The following VWDE variants were observed in gnomAD, a reference collection of about 807,000 sequenced individuals.
VWDE encodes the protein von Willebrand factor D and EGF domains, also known as von Willebrand factor D and EGF domain-containing protein.
A neutral mutation model predicts 178.4 loss-of-function variants in VWDE; 207 were observed. The ratio of observed to expected loss-of-function variants is 1.16; its 90% CI spans 1.04 to 1.30. The LOEUF (loss-of-function observed/expected upper bound fraction) is 1.30, where lower values mean the gene tolerates loss of function less well. Among genes scored for constraint, VWDE ranks in the 50% most tolerant of loss-of-function variants. VWDE has a pLI of 0.00. For synonymous variants in VWDE, 738 were observed against 651.4 expected, an observed-to-expected ratio of 1.13 and a Z score of -2.02; for missense variants, 2,287 against 1,901.3, an observed-to-expected ratio of 1.20 and a Z score of -3.77.
intron 9 of VWDE, among the ~76,000 whole-genome samples, chr7:12,373,962 G>T (rs988406616): frequency 6.6e-6 from 1 of 151,986 alleles, no homozygotes; most frequent in African/African-American, 2.4e-5. Context: ...CTCTCTTATA[G>T]AACAGTCTCT....
intron 19 of VWDE, among the ~76,000 whole-genome samples, chr7:12,344,911 G>A (rs531266741): frequency 2.6e-5 from 4 of 152,052 alleles, no homozygotes; most frequent in South Asian, 2.1e-4. Flanking sequence ...AATGCCCACC[G>A]TGAGCTGAAA....
At chr7:12,348,286 G>T (rs1285849098) in intron 19 of VWDE, among the ~76,000 whole-genome samples, 1 of 148,568 alleles carries the variant, frequency 6.7e-6, no homozygotes, top group Non-Finnish European at 1.5e-5. Flanking sequence ...GAGTGAACAG[G>T]CAACCTACAA....
Position 12,356,268 on chromosome 7 carries a change from A to T in VWDE, c.3588T>A (p.Ser1196=), listed in dbSNP as rs749732756. 6 of 1,551,552 alleles carry T rather than the reference A, an allele frequency of 3.9e-6. No homozygotes were observed. The African/African-American group carries it at 8.2e-5, about 21-fold the overall frequency. ...GGSCVSDRNF[S]PGSGVYLCVC... The stretch of plus-strand genomic sequence containing the variant: ...CACACAGGTACACTCCACTCCCTGG[A>T]GAAAAGTTCCTATCAGATACACATG... Residue 1196 remains serine, a synonymous_variant, in exon 18 of 29, where the codon TCT becomes TCA. Coordinates refer to ENST00000275358, the MANE Select transcript of VWDE (RefSeq NM_001135924.3).
At chr7:12,394,149 A>G (rs963242887) in intron 1 of VWDE, among the ~76,000 whole-genome samples, 10 of 152,130 alleles carry the variant, frequency 6.6e-5, no homozygotes, top group African/African-American at 2.4e-4. Context: ...GAATATCACC[A>G]TTATTTCTCT....
chr7:12,356,364 T>C (rs1277492239), intron 17 of VWDE, 34 bp from the exon 18 acceptor site: 1 of 1,518,132 alleles, frequency 6.6e-7, no homozygotes, highest in Non-Finnish European at 8.9e-7. Context: ...TGTCTTATTT[T>C]TCAATAAAAT....
intron 13 of VWDE, among the ~76,000 whole-genome samples, chr7:12,363,447 T>C (rs904062412): frequency 1.3e-5 from 2 of 152,016 alleles, no homozygotes; most frequent in African/African-American, 2.4e-5. Context: ...AACCTTAAAA[T>C]TGGATTTTGT....
Position 12,389,296 on chromosome 7 carries a change from T to A in VWDE, c.306A>T (p.Pro102=). ...TCAATTGCTTGATCTCCCCAGGAGA[T>A]GGCAGTGTTTCTGAATCTCTCAGAG... ...WLSLRDSETL[P]SPGEIKQLTA... Residue 102 remains proline (P), a synonymous_variant, in exon 3 of 29, where the codon CCA becomes CCT. Transcript: ENST00000275358. 6.4e-7 allele frequency: 1 copy of A among 1,551,628 alleles called. No individual in the cohort carries two copies. The highest frequency in any genetic ancestry group is 1.2e-5 in the South Asian group (1 of 84,062).
chr7:12,398,846 T>G (rs1057201692), intron 1 of VWDE, among the ~76,000 whole-genome samples: 1 of 151,982 alleles, frequency 6.6e-6, no homozygotes, highest in South Asian at 2.1e-4. Context: ...AAACATTGGG[T>G]ACCCACAGAC....
Position 12,380,535 on chromosome 7 carries a change from G to A in VWDE, c.740C>T (p.Ala247Val), listed in dbSNP as rs1229840177. The A allele has an allele frequency of 3.2e-6, 5 of 1,551,846 alleles. No individual in the cohort carries two copies. The highest frequency in any genetic ancestry group is 4.4e-6 in the Non-Finnish European group (5 of 1,147,058). Residue 247 changes from alanine to valine, a missense_variant, in exon 5 of 29, where the codon GCA becomes GTA. Transcript: ENST00000275358. ...EELTQETTVQ[A>V]FSLLELDGIN... Reference sequence around the variant, plus strand: ...GCCATCAAGTTCTAAAAGAGAGAATGCCTGAACTGTGGTCTCTTGTGTCAG... The same window carrying A: ...GCCATCAAGTTCTAAAAGAGAGAATACCTGAACTGTGGTCTCTTGTGTCAG...
At chr7:12,392,925 A>G (rs1784453388) in intron 2 of VWDE, among the ~76,000 whole-genome samples, 1 of 152,136 alleles carries the variant, frequency 6.6e-6, no homozygotes, top group Admixed American at 6.6e-5. Flanking sequence ...TATAAAGAAA[A>G]AAAGGTATGC....
chr7:12,392,818 A>AC (rs1562519826), intron 2 of VWDE, among the ~76,000 whole-genome samples: 1 of 151,996 alleles, frequency 6.6e-6, no homozygotes, highest in African/African-American at 2.4e-5. Context: ...CAAAAAAAAA[A>AC]AAAACACATC....
intron 13 of VWDE, 57 bp downstream of exon 13, chr7:12,367,300 A>G (rs1782914096): frequency 7.5e-7 from 1 of 1,329,484 alleles, no homozygotes; most frequent in African/African-American, 1.5e-5. Context: ...ATCCAAGATA[A>G]TATTAATCTG....
chr7:12,371,547 C>T (rs1378468475), intron 10 of VWDE, among the ~76,000 whole-genome samples: 1 of 152,126 alleles, frequency 6.6e-6, no homozygotes, highest in African/African-American at 2.4e-5. Context: ...GTTTGCTCTT[C>T]TGGTTGTTTT....
rs759505512 is a variant in VWDE, at chr7:12,393,731, T to C, written c.106A>G (p.Arg36Gly). Residue 36 changes from arginine to glycine, a missense_variant, in exon 2 of 29, where the codon AGA becomes GGA. Transcript: ENST00000275358. ...TGCCATGAGTCAAAACGGACACTTCTATAAGGACTCCGAAGAAACTGGTGT... is the reference window on the plus strand; with the variant it reads ...TGCCATGAGTCAAAACGGACACTTCCATAAGGACTCCGAAGAAACTGGTGT... ...GGHQFLRSPY[R>G]SVRFDSWHLQ... The C allele has an allele frequency of 1.4e-5, 21 of 1,551,016 alleles. No individual in the cohort carries two copies. Among genetic ancestry groups the C allele is most frequent in the South Asian group, 2.4e-5 (2 of 84,012 alleles).
chr7:12,354,315 A>C (rs945587575), intron 18 of VWDE: 1 of 399,364 alleles, frequency 2.5e-6, no homozygotes, highest in Admixed American at 3.5e-5. Context: ...AACTGCAGCA[A>C]AAAAAATCTC....
chr7:12,351,727 C>T lies in VWDE; in HGVS notation c.3746-14G>A. 6.5e-7 allele frequency: 1 copy of T among 1,530,700 alleles called. No individual in the cohort carries two copies. The highest frequency in any genetic ancestry group is 8.8e-7 in the Non-Finnish European group (1 of 1,138,994). 94.8% of individuals were successfully genotyped at this position (1,530,700 alleles called of 1,614,324 possible). A position where few individuals can be genotyped will look rare whatever the true frequency, so the allele number is the denominator to read the frequency against. On this transcript the variant is annotated splice_polypyrimidine_tract_variant and intron_variant, in intron 18 of 28. Transcript: ENST00000275358. The stretch of plus-strand genomic sequence containing the variant: ...ACTGTGTTTCAACTGTAAATGAGAA[C>T]AAGGAAAACAGATTAGACTTAAACT...
In VWDE at chr7:12,370,177, T is replaced by C. The variant is rs867422889; in HGVS notation, c.2129A>G (p.Asn710Ser). 4.4e-5 allele frequency: 68 copies of C among 1,551,538 alleles called. No homozygotes were observed. The Middle Eastern group carries it at 4.7e-3, about 107-fold the overall frequency. Reference sequence around the variant, plus strand: ...CTCATTTCCAGGATGTTTTTGTACATTTAAGCCGAGTTTAGTCAGGTTTAT... The same window carrying C: ...CTCATTTCCAGGATGTTTTTGTACACTTAAGCCGAGTTTAGTCAGGTTTAT... ...KHINLTKLGL[N>S]VQKHPGNEKE... Residue 710 changes from asparagine (N) to serine (S), a missense_variant, in exon 12 of 29, where the codon AAT (asparagine) becomes AGT (serine). Transcript: ENST00000275358.
Position 12,369,796 on chromosome 7 carries a change from A to G in VWDE, c.2510T>C (p.Met837Thr). The change falls in exon 12 of 29, where the codon ATG (methionine) becomes ACG (threonine). Residue 837 changes from methionine to threonine, a missense_variant. Transcript: ENST00000275358. ...TTTTAACAGAACATCCTTCACACACATCTCTATAACACTGTCTAATCTCTT... is the reference window on the plus strand; with the variant it reads ...TTTTAACAGAACATCCTTCACACACGTCTCTATAACACTGTCTAATCTCTT... The part of the protein sequence containing the change: ...LGKRLDSVIE[M>T]CVKDVLLKDD... 6.4e-7 allele frequency: 1 copy of G among 1,551,490 alleles called. No homozygotes were observed. Among genetic ancestry groups the G allele is most frequent in the Non-Finnish European group, 8.7e-7 (1 of 1,146,888 alleles).
At chr7:12,341,951 T>C in intron 23 of VWDE, 108 bp downstream of exon 23, 1 of 752,330 alleles carries the variant, frequency 1.3e-6, no homozygotes, top group Admixed American at 2.3e-5. Flanking sequence ...CATACCTATC[T>C]ACCTGTCTTG....
Sources: gnomAD v4.1 joint callset for allele counts (sites outside exome capture counted in the v4.1 genomes callset) on GRCh38, gnomAD v4.1.1 for gene constraint, MANE v1.5 for transcripts, NCBI Gene and HGNC (gene_info 2026-07-23, HGNC 2026-07-21) for gene names.